Variants in LRRC17 observed in about 807,000 individuals in gnomAD.
LRRC17 encodes the protein leucine-rich repeat-containing protein 17.
A neutral mutation model predicts 41.5 loss-of-function variants in LRRC17; 33 were observed. The observed-to-expected ratio is 0.80, with a 90% CI of 0.60 to 1.06. LRRC17 has a LOEUF of 1.06. Among genes scored for constraint, LRRC17 ranks in the 50% least tolerant of loss-of-function variants. The pLI, the probability that LRRC17 is intolerant of heterozygous loss-of-function variation, is 0.00. For synonymous variants in LRRC17, 192 were observed against 197.0 expected (o/e 0.97, Z 0.21); for missense variants, 491 against 519.3 (o/e 0.95, Z 0.53).
At chr7:102,913,666 GGA>G (rs1815221432) in intron 1 of LRRC17, among the ~76,000 whole-genome samples, 2 of 152,184 alleles carry the variant, frequency 1.3e-5, no homozygotes, top group South Asian at 4.1e-4. Flanking sequence ...GACTGTTACA[GGA>G]GAGTGAGGAT....
At chr7:102,932,676 CCT>C (rs1819449942) in intron 1 of LRRC17, among the ~76,000 whole-genome samples, 3 of 119,922 alleles carry the variant, frequency 2.5e-5, no homozygotes, top group African/African-American at 9.1e-5. Flanking sequence ...CTCACTGCAG[CCT>C]CAACCTCCCA....
At chr7:102,935,722 G>A (rs146251917) in intron 2 of LRRC17, among the ~76,000 whole-genome samples, 288 of 152,176 alleles carry the variant, frequency 1.9e-3, no homozygotes, top group Non-Finnish European at 3.2e-3. Context: ...CTACAATAAC[G>A]AACCATGTAA....
intron 3 of LRRC17, among the ~76,000 whole-genome samples, chr7:102,941,975 G>A (rs542139200): frequency 4.3e-4 from 66 of 152,138 alleles, no homozygotes; most frequent in Non-Finnish European, 9.1e-4. Context: ...TTCATCAGTT[G>A]TGGAATTCCC....
Position 102,934,506 on chromosome 7 carries a change from A to G in LRRC17, c.593A>G (p.Gln198Arg), listed in dbSNP as rs760912570. The G allele has an allele frequency of 2.5e-6, 4 of 1,612,626 alleles. No homozygotes were observed. The East Asian group carries it at 8.9e-5, about 36-fold the overall frequency. The change falls in exon 2 of 4, where the codon CAA becomes CGA. Residue 198 changes from glutamine (Q) to arginine (R), a missense_variant. By Grantham distance (43) the Gln-to-Arg change is conservative. Transcript: ENST00000339431. ...GCCAAGTGTGAAAGTCCACAAGAAC[A>G]AAAAAATAAAAAACTGCGGCAGATA... ...NYAKCESPQE[Q>R]KNKKLRQIKS...
intron 1 of LRRC17, among the ~76,000 whole-genome samples, chr7:102,917,083 T>G (rs543733872): frequency 6.6e-6 from 1 of 152,300 alleles, no homozygotes; most frequent in South Asian, 2.1e-4. Context: ...TGGATTCTTT[T>G]GAGTTGAGTG....
intron 2 of LRRC17, among the ~76,000 whole-genome samples, chr7:102,937,943 G>A (rs964650725): frequency 6.6e-6 from 1 of 152,226 alleles, no homozygotes; most frequent in African/African-American, 2.4e-5. Context: ...CAATGAGTCA[G>A]ATGGTGTGTA....
rs368438822 is a variant in LRRC17, at chr7:102,944,245, G to A, written c.964G>A (p.Asp322Asn). The A allele has an allele frequency of 6.2e-7, 1 of 1,611,010 alleles. No individual in the cohort carries two copies. Among genetic ancestry groups the A allele is most frequent in the East Asian group, 2.2e-5 (1 of 44,860 alleles). Residue 322 changes from aspartate (D) to asparagine (N), a missense_variant, in exon 4 of 4, where the codon GAT becomes AAT. Physicochemically the swap from Asp to Asn is conservative, Grantham distance 23 (BLOSUM62 1). Coordinates refer to ENST00000339431, the MANE Select transcript of LRRC17 (RefSeq NM_001031692.3). ...AGGGCTCACACATTTAGAAGAATTA[G>A]ATTTATCAAACAACAGTCTGCAAAA... ...FLGLTHLEEL[D>N]LSNNSLQNFD...
chr7:102,917,834 C>T (rs1816206830), intron 1 of LRRC17, among the ~76,000 whole-genome samples: 3 of 152,108 alleles, frequency 2.0e-5, no homozygotes, highest in Non-Finnish European at 4.4e-5. Flanking sequence ...GAGAGTGCCA[C>T]CTAGGTTGTG....
At position 102,931,913 on chromosome 7, in the gene LRRC17, CT is replaced by C. The variant is rs1231903493; in HGVS notation, c.-140-1859del. On this transcript the variant is annotated intron_variant, in intron 1 of 3. Transcript: ENST00000339431. ...GTTGGGCAGTCAGAGACATTCAACT[CT>C]TGCAAGTTCCTACAGTGGCCTAAAT... 5 of 1,613,498 alleles carry C rather than the reference CT, an allele frequency of 3.1e-6. No homozygotes were observed. The African/African-American group carries it at 6.7e-5, about 22-fold the overall frequency.
chr7:102,944,202 GTT>G lies in LRRC17; in HGVS notation c.929-6_929-5del. On this transcript the variant is annotated splice_polypyrimidine_tract_variant and splice_region_variant and intron_variant, in intron 3 of 3. Coordinates refer to ENST00000339431, the MANE Select transcript of LRRC17 (RefSeq NM_001031692.3). ...TACTCAGGCTCAATAAATATTTTCT[GTT>G]TCCAGCCGCTTTTTTAGGGCTCACA... 6.3e-7 allele frequency: 1 copy of G among 1,590,158 alleles called. No homozygotes were observed. Among genetic ancestry groups the G allele is most frequent in the African/African-American group, 1.4e-5 (1 of 73,992 alleles).
At chr7:102,941,960 T>C (rs149828496) in intron 3 of LRRC17, among the ~76,000 whole-genome samples, 1 of 152,330 alleles carries the variant, frequency 6.6e-6, no homozygotes, top group African/African-American at 2.4e-5. Flanking sequence ...CCGTAACTGA[T>C]ACTTTTCATC....
At chr7:102,940,367 G>A (rs1374938462) in intron 3 of LRRC17, among the ~76,000 whole-genome samples, 5 of 151,500 alleles carry the variant, frequency 3.3e-5, no homozygotes, top group South Asian at 2.1e-4. Context: ...CCGCCACCAC[G>A]CCCGGCTAAT....
chr7:102,940,051 G>T (rs1821092004), intron 3 of LRRC17, among the ~76,000 whole-genome samples: 1 of 148,522 alleles, frequency 6.7e-6, no homozygotes, highest in Admixed American at 6.7e-5. Flanking sequence ...TGTGCCACCA[G>T]GCCTGGCTAA....
At position 102,939,467 on chromosome 7, in the gene LRRC17, T is replaced by G; in HGVS notation, c.810T>G (p.Ile270Met). Reference sequence around the variant, plus strand: ...TGCCAAACAACATCCCTCCAGATATTGTTAAACTTGACTTGTCATACAATA... The same window carrying G: ...TGCCAAACAACATCCCTCCAGATATGGTTAAACTTGACTTGTCATACAATA... ...KKVPNNIPPD[I>M]VKLDLSYNKI... Residue 270 changes from isoleucine to methionine, a missense_variant, in exon 3 of 4, where the codon ATT (isoleucine) becomes ATG (methionine). Physicochemically the swap from Ile to Met is conservative, Grantham distance 10. Coordinates refer to ENST00000339431, the MANE Select transcript of LRRC17 (RefSeq NM_001031692.3). 6.2e-7 allele frequency: 1 copy of G among 1,613,618 alleles called. No homozygotes were observed. Among genetic ancestry groups the G allele is most frequent in the Non-Finnish European group, 8.5e-7 (1 of 1,179,836 alleles).
rs149067463 is a variant in LRRC17 at position 102,942,263 on chromosome 7, T to G, written c.929-1947T>G. On this transcript the variant is annotated intron_variant, in intron 3 of 3. Coordinates refer to ENST00000339431, the MANE Select transcript of LRRC17 (RefSeq NM_001031692.3). The stretch of plus-strand genomic sequence containing the variant: ...AAGGCAAAATGACCTAAAGAAGTTT[T>G]AAAATGAAAGGTCTCCTATATTTCA... 3.2e-4 allele frequency: 507 copies of G among 1,573,172 alleles called. 4 individuals carry two copies. The East Asian group carries it at 9.0e-3, about 28-fold the overall frequency.
intron 1 of LRRC17, among the ~76,000 whole-genome samples, chr7:102,931,295 C>A (rs1819127608): frequency 6.6e-6 from 1 of 152,196 alleles, no homozygotes; most frequent in Non-Finnish European, 1.5e-5. Context: ...GAGGCAGAGG[C>A]AAAACCACAG....
chr7:102,921,003 T>C (rs186430815), intron 1 of LRRC17, among the ~76,000 whole-genome samples: 239 of 151,952 alleles, frequency 1.6e-3, no homozygotes, highest in African/African-American at 5.5e-3. Flanking sequence ...AATACAAATA[T>C]TAGCCTGGCG....
At chr7:102,940,738 G>A (rs1312074476) in intron 3 of LRRC17, among the ~76,000 whole-genome samples, 2 of 152,108 alleles carry the variant, frequency 1.3e-5, no homozygotes, top group African/African-American at 4.8e-5. Context: ...AAAGCCTCTG[G>A]CGAAAATGAG....
At chr7:102,938,972 A>G (rs1323147964) in intron 2 of LRRC17, among the ~76,000 whole-genome samples, 1 of 152,172 alleles carries the variant, frequency 6.6e-6, no homozygotes, top group Non-Finnish European at 1.5e-5. Flanking sequence ...GCCTAGGCCT[A>G]GTGTCAGGGT....
Sources: allele counts gnomAD v4.1 joint callset (sites outside exome capture counted in the v4.1 genomes callset), GRCh38; gene constraint gnomAD v4.1.1; transcripts MANE v1.5; gene names NCBI Gene and HGNC (gene_info 2026-07-23, HGNC 2026-07-21).